Variants in DPYD observed in about 807,000 individuals in gnomAD.
DPYD encodes the protein dihydropyrimidine dehydrogenase [NADP(+)].
A neutral mutation model predicts 116.2 loss-of-function variants in DPYD; 109 were observed. The ratio of observed to expected loss-of-function variants is 0.94; its 90% CI spans 0.80 to 1.10. The LOEUF (loss-of-function observed/expected upper bound fraction) is 1.10, where lower values mean the gene tolerates loss of function less well. Ranked by LOEUF, DPYD falls within the 50% of genes least tolerant of loss-of-function variation. The pLI, the probability that DPYD is intolerant of heterozygous loss-of-function variation, is 0.00. For synonymous variants in DPYD, 440 were observed against 432.0 expected, an observed-to-expected ratio of 1.02 and a Z score of -0.23; for missense variants, 1,302 against 1,254.5, an observed-to-expected ratio of 1.04 and a Z score of -0.57.
intron 19 of DPYD, among the ~76,000 whole-genome samples, chr1:97,223,364 A>T (rs1570703542): frequency 6.7e-6 from 1 of 150,360 alleles, no homozygotes; most frequent in South Asian, 2.1e-4. Context: ...TTAGTGACAA[A>T]CCCACGCAGA....
At chr1:97,708,051 C>T (rs1489380864) in intron 5 of DPYD, among the ~76,000 whole-genome samples, 1 of 152,004 alleles carries the variant, frequency 6.6e-6, no homozygotes, top group East Asian at 1.9e-4. Flanking sequence ...GCTCCCCAGG[C>T]TGGTCTCAAA....
intron 14 of DPYD, among the ~76,000 whole-genome samples, chr1:97,410,497 T>G (rs1673924432): frequency 6.6e-6 from 1 of 152,202 alleles, no homozygotes; most frequent in Admixed American, 6.5e-5. Context: ...GATTTGCCTT[T>G]TTTCTACAAT....
At chr1:97,672,970 A>C (rs889374620) in intron 8 of DPYD, among the ~76,000 whole-genome samples, 1 of 152,208 alleles carries the variant, frequency 6.6e-6, no homozygotes, top group Non-Finnish European at 1.5e-5. Context: ...GAGAAAAATG[A>C]GGCTAAATAT....
At chr1:97,658,860 A>ACTGTC (rs1557866103) in intron 8 of DPYD, among the ~76,000 whole-genome samples, 1 of 152,160 alleles carries the variant, frequency 6.6e-6, no homozygotes, top group African/African-American at 2.4e-5. Context: ...AAAAAATTGG[A>ACTGTC]CTGTCACAGA....
intron 8 of DPYD, among the ~76,000 whole-genome samples, chr1:97,608,259 TA>T (rs1389621421): frequency 1.3e-5 from 2 of 152,020 alleles, no homozygotes; most frequent in African/African-American, 4.8e-5. Flanking sequence ...GTAAATAATA[TA>T]AAAGGGACAT....
chr1:97,912,795 T>C (rs1425695763), intron 1 of DPYD, among the ~76,000 whole-genome samples: 1 of 152,126 alleles, frequency 6.6e-6, no homozygotes, highest in East Asian at 1.9e-4. Context: ...ACTGAATGCC[T>C]TTCTTCTTTG....
intron 20 of DPYD, among the ~76,000 whole-genome samples, chr1:97,117,160 T>TAA (rs59948084): frequency 5.4e-5 from 8 of 147,938 alleles, no homozygotes; most frequent in Middle Eastern, 3.6e-3. Context: ...CAGGACTCCA[T>TAA]AAAAAAAAAA....
chr1:97,112,052 T>G (rs1160722856), intron 20 of DPYD, among the ~76,000 whole-genome samples: 2 of 152,162 alleles, frequency 1.3e-5, no homozygotes, highest in Non-Finnish European at 2.9e-5. Flanking sequence ...ATAGAAATTC[T>G]TATCATCAAC....
intron 8 of DPYD, among the ~76,000 whole-genome samples, chr1:97,615,026 A>T (rs182030522): frequency 2.9e-4 from 44 of 152,270 alleles, no homozygotes; most frequent in African/African-American, 1.1e-3. Context: ...TTACTCTTAA[A>T]CTATGCAATA....
intron 14 of DPYD, among the ~76,000 whole-genome samples, chr1:97,437,253 T>C (rs1005389973): frequency 6.6e-6 from 1 of 151,470 alleles, no homozygotes; most frequent in African/African-American, 2.4e-5. Context: ...CAGTTCACAT[T>C]TTCTAGTTTT....
At chr1:97,546,309 G>A (rs1021239804) in intron 12 of DPYD, 1 of 1,433,600 alleles carries the variant, frequency 7.0e-7, no homozygotes, top group Non-Finnish European at 9.8e-7. Flanking sequence ...TATTACCACA[G>A]TCAAAGCAAC....
Position 97,791,849 on chromosome 1 carries a change from T to C in DPYD, c.233+36265A>G, listed in dbSNP as rs141692066. Among the ~76,000 whole-genome samples, 26 of 152,258 alleles carry C rather than the reference T, an allele frequency of 1.7e-4. No homozygotes were observed. The East Asian group carries it at 1.9e-3, about 11-fold the overall frequency. On this transcript the variant is annotated intron_variant, in intron 3 of 22. Transcript: ENST00000370192. ...TGTAATGGATCTTTTTTATGTTACATTGTAGGAAAAGACAAAGAAGTAGAA... is the reference window on the plus strand; with the variant it reads ...TGTAATGGATCTTTTTTATGTTACACTGTAGGAAAAGACAAAGAAGTAGAA...
intron 13 of DPYD, among the ~76,000 whole-genome samples, chr1:97,459,256 G>A (rs968318255): frequency 6.6e-6 from 1 of 152,186 alleles, no homozygotes; most frequent in South Asian, 2.1e-4. Context: ...GCAAACAAAT[G>A]TGATGCAAAA....
chr1:97,509,903 T>C (rs1486609198), intron 13 of DPYD, among the ~76,000 whole-genome samples: 3 of 151,880 alleles, frequency 2.0e-5, no homozygotes, highest in African/African-American at 7.2e-5. Context: ...GGATGTGACT[T>C]TGGGCATCAA....
intron 5 of DPYD, among the ~76,000 whole-genome samples, chr1:97,704,853 A>G (rs1461072021): frequency 6.6e-6 from 1 of 152,092 alleles, no homozygotes; most frequent in African/African-American, 2.4e-5. Context: ...AATGTAATAA[A>G]TGAAATAAAC....
intron 14 of DPYD, among the ~76,000 whole-genome samples, chr1:97,408,750 C>A (rs1316458520): frequency 1.3e-5 from 2 of 152,114 alleles, no homozygotes; most frequent in Non-Finnish European, 2.9e-5. Context: ...TGGGTAGGCA[C>A]CATCTGATCA....
intron 13 of DPYD, among the ~76,000 whole-genome samples, chr1:97,492,229 C>T (rs1407290316): frequency 1.3e-5 from 2 of 152,102 alleles, no homozygotes; most frequent in Non-Finnish European, 2.9e-5. Flanking sequence ...CAGATCAAGG[C>T]ATTTTGATAT....
intron 16 of DPYD, among the ~76,000 whole-genome samples, chr1:97,306,852 A>G (rs1236202972): frequency 6.6e-6 from 1 of 152,006 alleles, no homozygotes; most frequent in Non-Finnish European, 1.5e-5. Flanking sequence ...CTTGTATTAT[A>G]CATGAGCTGA....
intron 6 of DPYD, among the ~76,000 whole-genome samples, chr1:97,698,516 ATTAAT>A (rs1446004024): frequency 1.3e-5 from 2 of 151,888 alleles, no homozygotes; most frequent in Non-Finnish European, 2.9e-5. Context: ...ATTGGGTATG[ATTAAT>A]TTATTTGTTA....
Sources: allele counts gnomAD v4.1 joint callset (sites outside exome capture counted in the v4.1 genomes callset), GRCh38; gene constraint gnomAD v4.1.1; transcripts MANE v1.5; gene names NCBI Gene and HGNC (gene_info 2026-07-23, HGNC 2026-07-21).